Variants in TALDO1 observed in about 807,000 individuals in gnomAD.
TALDO1 encodes the protein transaldolase 1.
In TALDO1, 29 loss-of-function variants were observed where a neutral mutation model predicts 38.1. The observed-to-expected ratio is 0.76, with a 90% CI of 0.57 to 1.04. The LOEUF (loss-of-function observed/expected upper bound fraction) is 1.04. Ranked by LOEUF, TALDO1 falls within the 50% of genes least tolerant of loss-of-function variation. TALDO1 has a pLI of 0.00. For synonymous variants in TALDO1, 207 were observed against 176.8 expected, an observed-to-expected ratio of 1.17 and a Z score of -1.36; for missense variants, 499 against 438.1, an observed-to-expected ratio of 1.14 and a Z score of -1.24.
Position 763,505 on chromosome 11 carries a change from C to T in TALDO1, c.623C>T (p.Pro208Leu), listed in dbSNP as rs1445973117. 3.7e-6 allele frequency: 6 copies of T among 1,613,350 alleles called. No individual in the cohort carries two copies. Among genetic ancestry groups the T allele is most frequent in the South Asian group, 1.1e-5 (1 of 91,038 alleles). Reference protein sequence around the residue: ...VANTDKKSYEPLEDPGVKSVT... With the variant: ...VANTDKKSYELLEDPGVKSVT... ...AACACCGACAAGAAATCCTATGAGC[C>T]CCTGGAAGACCCTGGTGAGGGTCCC... The change falls in exon 5 of 8, where the codon CCC becomes CTC. Residue 208 changes from proline to leucine, a missense_variant. Coordinates refer to ENST00000319006, the MANE Select transcript of TALDO1 (RefSeq NM_006755.2).
chr11:764,675 T>C, intron 7 of TALDO1, 138 bp from the exon 8 acceptor site: 2 of 1,427,116 alleles, frequency 1.4e-6, no homozygotes, highest in South Asian at 1.2e-5. Flanking sequence ...ACTGTGGTAT[T>C]GGCCACCCTG....
chr11:755,135 C>CCTTTTTTTTT (rs1862810737), intron 1 of TALDO1, among the ~76,000 whole-genome samples: 1 of 59,604 alleles, frequency 1.7e-5, no homozygotes, highest in African/African-American at 6.8e-5. Context: ...TCCCCTTGGC[C>CCTTTTTTTTT]TTTTTTTTTT....
intron 4 of TALDO1, among the ~76,000 whole-genome samples, chr11:761,387 G>A (rs1862922031): frequency 6.6e-6 from 1 of 150,450 alleles, no homozygotes. Flanking sequence ...TGTGATTCCA[G>A]CTACTTAGGA....
chr11:755,751 G>A (rs554428239), intron 1 of TALDO1, 128 bp from the exon 2 acceptor site: 568 of 1,385,200 alleles, frequency 4.1e-4, no homozygotes, highest in Admixed American at 1.5e-3. Flanking sequence ...GAGAAGTGTG[G>A]CTGGACCCCG....
chr11:764,368 G>A lies in TALDO1; in HGVS notation c.916G>A (p.Glu306Lys), dbSNP rs767632877. ...WLHNEDQMAV[E>K]KLSDGIRKFA... ...GCACAACGAGGACCAGATGGCTGTG[G>A]AGAAGCTCTCTGACGGGATCCGCAA... Residue 306 changes from glutamate (E) to lysine (K), a missense_variant, in exon 7 of 8, where the codon GAG (glutamate) becomes AAG (lysine). Physicochemically the swap from Glu to Lys is moderately conservative, Grantham distance 56. Coordinates refer to ENST00000319006, the MANE Select transcript of TALDO1 (RefSeq NM_006755.2). 6.2e-7 allele frequency: 1 copy of A among 1,614,220 alleles called. No homozygotes were observed. The highest frequency in any genetic ancestry group is 1.1e-5 in the South Asian group (1 of 91,092).
chr11:762,783 C>A (rs909978707), intron 4 of TALDO1, among the ~76,000 whole-genome samples: 2 of 152,240 alleles, frequency 1.3e-5, no homozygotes, highest in African/African-American at 4.8e-5. Flanking sequence ...GGGCAAGTGG[C>A]CTAGTGAGGC....
intron 1 of TALDO1, among the ~76,000 whole-genome samples, chr11:750,487 CAAA>C (rs758019370): frequency 7.5e-6 from 1 of 133,184 alleles, no homozygotes; most frequent in Non-Finnish European, 1.6e-5. Flanking sequence ...GACCCTGTCT[CAAA>C]AAAAAAAAAA....
At chr11:756,110 G>A in intron 2 of TALDO1, 108 bp downstream of exon 2, 2 of 1,460,072 alleles carry the variant, frequency 1.4e-6, no homozygotes, top group Non-Finnish European at 1.8e-6. Flanking sequence ...TGAACTCAAG[G>A]GGGGAAAAAA....
At chr11:759,249 GTGTTTTTTA>G (rs1862892333) in intron 3 of TALDO1, among the ~76,000 whole-genome samples, 192 bp downstream of exon 3, 2 of 152,066 alleles carry the variant, frequency 1.3e-5, no homozygotes, top group Admixed American at 1.3e-4. Flanking sequence ...CTGATCTCTA[GTGTTTTTTA>G]TTTTTATTTT....
intron 4 of TALDO1, among the ~76,000 whole-genome samples, chr11:761,348 A>G (rs1048905652): frequency 7.3e-5 from 11 of 150,634 alleles, no homozygotes; most frequent in African/African-American, 1.7e-4. Context: ...AAAAAAAAAA[A>G]AAAAAGAAAA....
chr11:755,729 A>C, intron 1 of TALDO1, 150 bp from the exon 2 acceptor site: 1 of 1,097,586 alleles, frequency 9.1e-7, no homozygotes, highest in Non-Finnish European at 1.3e-6. Flanking sequence ...TCAGTGACCC[A>C]GAAGAAGGTG....
At chr11:757,619 C>T (rs948157002) in intron 2 of TALDO1, among the ~76,000 whole-genome samples, 1 of 152,304 alleles carries the variant, frequency 6.6e-6, no homozygotes, top group Non-Finnish European at 1.5e-5. Context: ...AACCTCTGAG[C>T]GTCTAGCTGA....
At chr11:747,861 G>T (rs189290326) in intron 1 of TALDO1, among the ~76,000 whole-genome samples, 2,774 of 152,266 alleles carry the variant, frequency 0.018, 81 homozygotes, top group African/African-American at 0.063. Flanking sequence ...GCCGTGAGGA[G>T]CTGGGGTCAG....
intron 1 of TALDO1, among the ~76,000 whole-genome samples, chr11:751,384 TG>T (rs1352588402): frequency 1.3e-5 from 2 of 152,086 alleles, no homozygotes; most frequent in Non-Finnish European, 2.9e-5. Flanking sequence ...AAGAGAAAGT[TG>T]GGGCCAGCCT....
chr11:756,716 C>T (rs1862844827), intron 2 of TALDO1, among the ~76,000 whole-genome samples: 1 of 152,104 alleles, frequency 6.6e-6, no homozygotes, highest in Non-Finnish European at 1.5e-5. Flanking sequence ...CAGGGTTTCA[C>T]CATGTTGGCC....
intron 1 of TALDO1, 57 bp from the exon 2 acceptor site, chr11:755,822 T>C: frequency 6.2e-7 from 1 of 1,613,308 alleles, no homozygotes; most frequent in South Asian, 1.1e-5. Context: ...CCTTCACATG[T>C]TTCCAGTTGG....
At position 754,173 on chromosome 11, in the gene TALDO1, C is replaced by T. The variant is rs185466798; in HGVS notation, c.98-1706C>T. On this transcript the variant is annotated intron_variant, in intron 1 of 7. Transcript: ENST00000319006. ...CTAATTTTTATATTTTTAGTAGGGA[C>T]AGGGTTTCGCCGTGTTAGCCAGGCT... Among the ~76,000 whole-genome samples the T allele has an allele frequency of 4.5e-3, 680 of 151,832 alleles. 4 individuals are homozygous for T. Among genetic ancestry groups the T allele is most frequent in the African/African-American group, 0.016 (654 of 41,416 alleles).
At chr11:762,791 G>T (rs4963124) in intron 4 of TALDO1, among the ~76,000 whole-genome samples, 12 of 152,136 alleles carry the variant, frequency 7.9e-5, no homozygotes, top group African/African-American at 2.9e-4. Flanking sequence ...GGCCTAGTGA[G>T]GCCAAGGGGC....
rs190875781 is a variant in TALDO1, at chr11:764,852, C to A, written c.*7C>A. 8.1e-6 allele frequency: 13 copies of A among 1,613,892 alleles called. No individual in the cohort carries two copies. The highest frequency in any genetic ancestry group is 2.7e-5 in the African/African-American group (2 of 74,916). On this transcript the variant is annotated 3_prime_UTR_variant, in exon 8 of 8. Transcript: ENST00000319006. ...TGCAGAGAATGGAAAGTAGCGCATC[C>A]CTGAGGCTGGACTCCAGATCTGCAC...
Sources: allele counts gnomAD v4.1 joint callset (sites outside exome capture counted in the v4.1 genomes callset), GRCh38; gene constraint gnomAD v4.1.1; transcripts MANE v1.5; gene names NCBI Gene and HGNC (gene_info 2026-07-23, HGNC 2026-07-21).